DLG5: variants seen among roughly 807,000 people sequenced by gnomAD.
DLG5 encodes the protein discs large MAGUK scaffold protein 5.
Under a neutral mutation model 189.8 loss-of-function variants are expected in DLG5, and 48 were observed. The observed-to-expected ratio is 0.25, with a 90% CI of 0.20 to 0.32. DLG5 has a LOEUF of 0.32. Among genes scored for constraint, DLG5 ranks in the 10% least tolerant of loss-of-function variants. The probability of loss-of-function intolerance (pLI) is 1.00; values close to 1 mark genes in which losing one functional copy is unlikely to be tolerated. For missense variants in DLG5, 2,160 were observed against 2,544.7 expected, an observed-to-expected ratio of 0.85 and a Z score of 3.25; for synonymous variants, 1,016 against 1,054.1, an observed-to-expected ratio of 0.96 and a Z score of 0.70.
chr10:77,846,775 G>C, intron 5 of DLG5: 2 of 454,994 alleles, frequency 4.4e-6, no homozygotes, highest in South Asian at 3.1e-5. Context: ...CTCCAAATGA[G>C]TCTGCTTTGC....
chr10:77,815,693 C>T (rs1186693798), intron 20 of DLG5, among the ~76,000 whole-genome samples: 1 of 152,174 alleles, frequency 6.6e-6, no homozygotes, highest in Non-Finnish European at 1.5e-5. Context: ...ACATAGGGCC[C>T]ACCCCTGCTG....
the DLG5 span, among the ~76,000 whole-genome samples, chr10:77,933,205 C>A: frequency 6.6e-6 from 1 of 152,096 alleles, no homozygotes; most frequent in Non-Finnish European, 1.5e-5. Context: ...CTCATTGCAA[C>A]TTTTTACTCC....
chr10:77,902,099 G>A (rs1367737362), intron 1 of DLG5, among the ~76,000 whole-genome samples: 2 of 152,208 alleles, frequency 1.3e-5, no homozygotes, highest in Non-Finnish European at 2.9e-5. Flanking sequence ...GGAACAGACA[G>A]GTGTGGTCTC....
chr10:77,845,665 G>GGAGGGAGGGAGA (rs1187737259), intron 5 of DLG5, among the ~76,000 whole-genome samples: 1 of 151,772 alleles, frequency 6.6e-6, no homozygotes, highest in East Asian at 1.9e-4. Flanking sequence ...GAAAGGGAAA[G>GGAGGGAGGGAGA]GAGGGAGGGA....
the DLG5 span, among the ~76,000 whole-genome samples, chr10:77,938,725 C>T: frequency 6.6e-6 from 1 of 152,208 alleles, no homozygotes; most frequent in Non-Finnish European, 1.5e-5. Context: ...TCACCACACC[C>T]ATAGAAAGTA....
chr10:77,794,797 C>T, intron 30 of DLG5, 52 bp downstream of exon 30: 1 of 1,514,976 alleles, frequency 6.6e-7, no homozygotes, highest in African/African-American at 1.4e-5. Context: ...CTTGGGCTCC[C>T]AGCCCCACCT....
intron 1 of DLG5, among the ~76,000 whole-genome samples, chr10:77,894,910 G>A (rs1343929476): frequency 1.3e-5 from 2 of 152,186 alleles, no homozygotes; most frequent in Non-Finnish European, 2.9e-5. Context: ...CAGGGGCAAG[G>A]GGTTTGCCAA....
At chr10:77,826,768 C>A (rs1338209627) in intron 13 of DLG5, among the ~76,000 whole-genome samples, 1 of 152,092 alleles carries the variant, frequency 6.6e-6, no homozygotes, top group Admixed American at 6.6e-5. Context: ...GCCAAAATGG[C>A]GAAACCCCGT....
chr10:77,851,275 C>T (rs1006200064), intron 5 of DLG5, among the ~76,000 whole-genome samples: 4 of 152,210 alleles, frequency 2.6e-5, no homozygotes, highest in African/African-American at 9.6e-5. Context: ...AACCTACAGT[C>T]TTTAAATCTG....
intron 17 of DLG5, 143 bp downstream of exon 17, chr10:77,819,178 T>C (rs1357757877): frequency 3.3e-6 from 4 of 1,213,380 alleles, no homozygotes; most frequent in South Asian, 1.4e-5. Flanking sequence ...AAGGCTCCCT[T>C]TCCCTGTGCT....
intron 1 of DLG5, among the ~76,000 whole-genome samples, chr10:77,875,899 G>A (rs1263492043): frequency 6.6e-6 from 1 of 151,800 alleles, no homozygotes; most frequent in Non-Finnish European, 1.5e-5. Flanking sequence ...TTAAAAGCAC[G>A]GCCCAAGGCT....
intron 20 of DLG5, among the ~76,000 whole-genome samples, chr10:77,815,739 T>C (rs755698704): frequency 6.6e-6 from 1 of 152,228 alleles, no homozygotes; most frequent in Non-Finnish European, 1.5e-5. Flanking sequence ...CTTTCTGGAC[T>C]CAAATGAAAG....
chr10:77,807,788 A>G lies in DLG5; in HGVS notation c.4796+8T>C. 6.2e-7 allele frequency: 1 copy of G among 1,611,060 alleles called. No homozygotes were observed. The highest frequency in any genetic ancestry group is 2.2e-5 in the East Asian group (1 of 44,790). On this transcript the variant is annotated splice_region_variant and intron_variant, in intron 25 of 31. Transcript: ENST00000372391. ...CAAATCTCCCACCGATTCCCCAGCC[A>G]CTGGTACCTGATGTAGAAGCTGTCA...
At chr10:77,817,255 C>T (rs1490159938) in intron 18 of DLG5, among the ~76,000 whole-genome samples, 159 bp from the exon 19 acceptor site, 2 of 152,202 alleles carry the variant, frequency 1.3e-5, no homozygotes, top group African/African-American at 4.8e-5. Context: ...GAAAAGCAGA[C>T]GTTTAACATT....
intron 26 of DLG5, 34 bp downstream of exon 26, chr10:77,806,724 G>GCCCCC: frequency 1.7e-5 from 17 of 1,016,154 alleles, no homozygotes; most frequent in South Asian, 4.1e-5. Context: ...GGCGACCCCT[G>GCCCCC]CCCCACCCCA....
intron 1 of DLG5, among the ~76,000 whole-genome samples, chr10:77,899,850 TCTCACTC>T (rs1195891673): frequency 2.0e-5 from 3 of 152,136 alleles, no homozygotes; most frequent in African/African-American, 7.2e-5. Context: ...GGAAGGCTCT[TCTCACTC>T]CTCACTCATC....
chr10:77,935,006 C>T, the DLG5 span, among the ~76,000 whole-genome samples: 9 of 152,096 alleles, frequency 5.9e-5, no homozygotes, highest in East Asian at 1.6e-3. Flanking sequence ...TACAGGCGCC[C>T]GCCACCACAC....
In DLG5 at chr10:77,811,946, G is replaced by T; in HGVS notation, c.4300C>A (p.Leu1434Ile). Residue 1434 changes from leucine (L) to isoleucine (I), a missense_variant, in exon 22 of 32, where the codon CTC (leucine) becomes ATC (isoleucine). Leu to Ile is a conservative substitution (Grantham distance 5). Transcript: ENST00000372391. ...CACCTGGACCGGGAGTGGCTGCTGA[G>T]CTGGTGCACGTGGGGGTTGTACTGG... The part of the protein sequence containing the change: ...LAQYNPHVHQ[L>I]SSHSRSSSHL... 1 of 1,607,470 alleles carries T rather than the reference G, an allele frequency of 6.2e-7. No individual in the cohort carries two copies. The highest frequency in any genetic ancestry group is 8.5e-7 in the Non-Finnish European group (1 of 1,179,834).
the DLG5 span, among the ~76,000 whole-genome samples, chr10:77,934,264 G>A: frequency 6.6e-6 from 1 of 151,116 alleles, no homozygotes; most frequent in East Asian, 1.9e-4. Context: ...CCAGCTACTT[G>A]GGAGGCTGAG....
Sources: gnomAD v4.1 joint callset for allele counts (sites outside exome capture counted in the v4.1 genomes callset) on GRCh38, gnomAD v4.1.1 for gene constraint, MANE v1.5 for transcripts, NCBI Gene and HGNC (gene_info 2026-07-23, HGNC 2026-07-21) for gene names.